ERBB4: variants seen among roughly 807,000 people sequenced by gnomAD.
ERBB4 encodes the protein erb-b2 receptor tyrosine kinase 4, also known as receptor tyrosine-protein kinase erbB-4.
Under a neutral mutation model 158.0 loss-of-function variants are expected in ERBB4, and 42 were observed. That is an observed-to-expected ratio of 0.27 (90% CI 0.21 to 0.34). The LOEUF (loss-of-function observed/expected upper bound fraction) is 0.34, where lower values mean the gene tolerates loss of function less well. ERBB4 is among the 10% of genes least tolerant of loss of function. The probability of loss-of-function intolerance (pLI) is 1.00; values close to 1 mark genes in which losing one functional copy is unlikely to be tolerated. For synonymous variants in ERBB4, 583 were observed against 558.7 expected, an observed-to-expected ratio of 1.04 and a Z score of -0.61; for missense variants, 1,333 against 1,624.1, an observed-to-expected ratio of 0.82 and a Z score of 3.08.
chr2:211,921,813 TAATCCG>T, intron 3 of ERBB4, among the ~76,000 whole-genome samples: 1 of 152,210 alleles, frequency 6.6e-6, no homozygotes, highest in South Asian at 2.1e-4. Context: ...GAGTCATGGA[TAATCCG>T]TTACCTTATT....
chr2:211,536,026 C>T (rs191451645), intron 20 of ERBB4, among the ~76,000 whole-genome samples: 3 of 151,816 alleles, frequency 2.0e-5, no homozygotes, highest in Admixed American at 1.3e-4. Context: ...AATGGGAACA[C>T]AGACTGAGGT....
chr2:212,413,134 ATTTTTTTTT>A (rs370397826), intron 1 of ERBB4, among the ~76,000 whole-genome samples: 22 of 101,216 alleles, frequency 2.2e-4, no homozygotes, highest in South Asian at 1.7e-3. Flanking sequence ...TGCGTGGCTA[ATTTTTTTTT>A]TTTTTTTTTT....
chr2:211,413,299 C>T (rs2063303712), intron 25 of ERBB4, among the ~76,000 whole-genome samples: 1 of 56,970 alleles, frequency 1.8e-5, no homozygotes, highest in Non-Finnish European at 4.1e-5. Context: ...GAGAGAGACC[C>T]TGTCTTAAAA....
intron 1 of ERBB4, among the ~76,000 whole-genome samples, chr2:212,293,457 GACAACA>G (rs2106186433): frequency 6.6e-6 from 1 of 152,038 alleles, no homozygotes; most frequent in South Asian, 2.1e-4. Context: ...AACTGACACA[GACAACA>G]AACCTTATTA....
intron 20 of ERBB4, among the ~76,000 whole-genome samples, chr2:211,479,972 G>A (rs1236737826): frequency 6.6e-6 from 1 of 151,988 alleles, no homozygotes; most frequent in Non-Finnish European, 1.5e-5. Context: ...TGGTCTCATG[G>A]GAAATGCAGA....
At chr2:211,623,192 C>T (rs2125856371) in intron 18 of ERBB4, among the ~76,000 whole-genome samples, 1 of 150,666 alleles carries the variant, frequency 6.6e-6, no homozygotes, top group Middle Eastern at 3.4e-3. Flanking sequence ...TGAATTGGTC[C>T]TGTAATTAAG....
chr2:212,453,311 G>A (rs960409633), intron 1 of ERBB4, among the ~76,000 whole-genome samples: 3 of 152,052 alleles, frequency 2.0e-5, no homozygotes, highest in African/African-American at 7.2e-5. Flanking sequence ...AGGTCCATGG[G>A]ACAAAAAGAG....
chr2:211,588,508 T>C (rs1367595753), intron 19 of ERBB4, among the ~76,000 whole-genome samples: 1 of 152,174 alleles, frequency 6.6e-6, no homozygotes, highest in Non-Finnish European at 1.5e-5. Flanking sequence ...TTTTGACTAA[T>C]AATAATTATA....
chr2:211,771,586 A>G (rs149605084), intron 4 of ERBB4, among the ~76,000 whole-genome samples: 2 of 152,354 alleles, frequency 1.3e-5, no homozygotes, highest in East Asian at 1.9e-4. Flanking sequence ...TATACAGTTT[A>G]ATAATTTAAA....
At chr2:212,122,627 C>T (rs1337291567) in intron 2 of ERBB4, among the ~76,000 whole-genome samples, 1 of 151,938 alleles carries the variant, frequency 6.6e-6, no homozygotes, top group Non-Finnish European at 1.5e-5. Context: ...ATGTATCTTA[C>T]TTTTTAATTC....
intron 20 of ERBB4, among the ~76,000 whole-genome samples, chr2:211,488,142 A>C (rs981902786): frequency 2.0e-5 from 3 of 152,038 alleles, no homozygotes; most frequent in Admixed American, 6.6e-5. Flanking sequence ...ATGAGCTATG[A>C]ATAACTAAAC....
chr2:211,590,561 AC>A (rs1425195180), intron 19 of ERBB4, among the ~76,000 whole-genome samples: 5 of 150,546 alleles, frequency 3.3e-5, no homozygotes, highest in Non-Finnish European at 5.9e-5. Flanking sequence ...GAAGACAGGG[AC>A]CCCCCTCCCC....
intron 1 of ERBB4, among the ~76,000 whole-genome samples, chr2:212,230,548 T>TTTAAATTCG: frequency 6.6e-6 from 1 of 152,148 alleles, no homozygotes; most frequent in Non-Finnish European, 1.5e-5. Context: ...TCGAAGTAAT[T>TTTAAATTCG]ACTGTTTTAA....
At chr2:212,365,661 T>C (rs2089861959) in intron 1 of ERBB4, among the ~76,000 whole-genome samples, 1 of 151,894 alleles carries the variant, frequency 6.6e-6, no homozygotes, top group African/African-American at 2.4e-5. Context: ...CTTTGATAAG[T>C]CAGTAAATCT....
chr2:211,786,792 T>C (rs541388236), intron 4 of ERBB4, among the ~76,000 whole-genome samples: 1 of 152,290 alleles, frequency 6.6e-6, no homozygotes, highest in South Asian at 2.1e-4. Flanking sequence ...CCTGCCAATA[T>C]AATATGTGCA....
At chr2:211,974,232 GC>G (rs1384915141) in intron 2 of ERBB4, among the ~76,000 whole-genome samples, 1 of 151,756 alleles carries the variant, frequency 6.6e-6, no homozygotes, top group African/African-American at 2.4e-5. Flanking sequence ...GAACTTAAAA[GC>G]TTTTTTTTTA....
intron 3 of ERBB4, among the ~76,000 whole-genome samples, chr2:211,931,589 T>C (rs1317424846): frequency 6.6e-6 from 1 of 151,636 alleles, no homozygotes; most frequent in East Asian, 1.9e-4. Flanking sequence ...AGATAGGTAG[T>C]AGGTAGGTAT....
intron 1 of ERBB4, among the ~76,000 whole-genome samples, chr2:212,472,715 AT>A (rs768192951): frequency 8.7e-4 from 132 of 151,912 alleles, no homozygotes; most frequent in Admixed American, 1.1e-3. Context: ...ACTAGAAAAA[AT>A]GTCATGTGTT....
intron 1 of ERBB4, among the ~76,000 whole-genome samples, chr2:212,466,851 C>A (rs1016626996): frequency 1.3e-5 from 2 of 152,178 alleles, no homozygotes; most frequent in Non-Finnish European, 2.9e-5. Context: ...AAGTTTGGAA[C>A]TTCCTAGAGA....
Sources: allele counts gnomAD v4.1 joint callset (sites outside exome capture counted in the v4.1 genomes callset), GRCh38; gene constraint gnomAD v4.1.1; transcripts MANE v1.5; gene names NCBI Gene and HGNC (gene_info 2026-07-23, HGNC 2026-07-21).